ADCY7: variants seen among roughly 807,000 people sequenced by gnomAD.
ADCY7 encodes adenylate cyclase 7.
In ADCY7, 72 loss-of-function variants were observed where a neutral mutation model predicts 120.6. That is an observed-to-expected ratio of 0.60 (90% CI 0.49 to 0.73). ADCY7 has a LOEUF of 0.73. ADCY7 is among the 30% of genes least tolerant of loss of function. The pLI is 0.00. For missense variants in ADCY7, 1,227 were observed against 1,486.0 expected, an observed-to-expected ratio of 0.83 and a Z score of 2.87; for synonymous variants, 661 against 628.0, an observed-to-expected ratio of 1.05 and a Z score of -0.78.
In ADCY7 at chr16:50,315,591, A is replaced by C; in HGVS notation, c.*86A>C. ...GGAGAAGACTCTCCGCCCCACGCCAATCCCAAAGGCATGCAGATGGCTGTG... is the reference window on the plus strand; with the variant it reads ...GGAGAAGACTCTCCGCCCCACGCCACTCCCAAAGGCATGCAGATGGCTGTG... On this transcript the variant is annotated 3_prime_UTR_variant, in exon 26 of 26. Coordinates refer to ENST00000673801, the MANE Select transcript of ADCY7 (RefSeq NM_001114.5). 6.6e-7 allele frequency: 1 copy of C among 1,522,514 alleles called. No individual in the cohort carries two copies. The highest frequency in any genetic ancestry group is 2.1e-4 in the Middle Eastern group (1 of 4,806). 94.3% of individuals were successfully genotyped at this position (1,522,514 alleles called of 1,614,324 possible).
At chr16:50,292,049 C>G (rs78600062) in intron 4 of ADCY7, 152 bp downstream of exon 4, 1 of 923,390 alleles carries the variant, frequency 1.1e-6, no homozygotes, top group East Asian at 2.7e-5. Context: ...CACGTCTGCT[C>G]GGAAGCTGGG....
At chr16:50,283,188 G>A (rs2034383656) in intron 1 of ADCY7, among the ~76,000 whole-genome samples, 1 of 152,234 alleles carries the variant, frequency 6.6e-6, no homozygotes, top group Admixed American at 6.5e-5. Flanking sequence ...TGAGACTCTT[G>A]GTTGCGAGTG....
intron 1 of ADCY7, among the ~76,000 whole-genome samples, chr16:50,279,946 T>C (rs1210526460): frequency 6.6e-6 from 1 of 152,206 alleles, no homozygotes; most frequent in Admixed American, 6.5e-5. Flanking sequence ...AACAAGATGA[T>C]GCTGGCCTCA....
chr16:50,248,563 A>G (rs1398339659), intron 1 of ADCY7, among the ~76,000 whole-genome samples: 1 of 152,130 alleles, frequency 6.6e-6, no homozygotes, highest in Admixed American at 6.5e-5. Context: ...TTTTACAGAT[A>G]CCCTGTATAA....
chr16:50,265,369 T>C (rs71382307), upstream of ADCY7, among the ~76,000 whole-genome samples: 5 of 57,898 alleles, frequency 8.6e-5, no homozygotes, highest in Non-Finnish European at 1.6e-4. Context: ...CCTGGAACCC[T>C]GTGTGAGTCC....
At position 50,294,740 on chromosome 16, in the gene ADCY7, C is replaced by G. The variant is rs767060124; in HGVS notation, c.937C>G (p.Gln313Glu). Reference sequence around the variant, plus strand: ...GAATGAGCTCTTTGGCAAGTTCGACCAGATCGCCAAGGTGAGCCCGCTGGC... The same window carrying G: ...GAATGAGCTCTTTGGCAAGTTCGACGAGATCGCCAAGGTGAGCCCGCTGGC... ...VLNELFGKFD[Q>E]IAKANECMRI... The change falls in exon 7 of 26, where the codon CAG (glutamine) becomes GAG (glutamate). Residue 313 changes from glutamine (Q) to glutamate (E), a missense_variant. By Grantham distance (29) the Gln-to-Glu change is conservative (BLOSUM62 2). This residue lies in a region of ADCY7 where 332 missense variants were observed against 455.8 expected (regional missense o/e 0.73). Coordinates refer to ENST00000673801, the MANE Select transcript of ADCY7 (RefSeq NM_001114.5). 4 of 1,613,156 alleles carry G rather than the reference C, an allele frequency of 2.5e-6. No homozygotes were observed. Among genetic ancestry groups the G allele is most frequent in the South Asian group, 1.1e-5 (1 of 90,864 alleles).
At chr16:50,306,974 A>G in intron 14 of ADCY7, 76 bp from the exon 15 acceptor site, 1 of 1,158,902 alleles carries the variant, frequency 8.6e-7, no homozygotes, top group Non-Finnish European at 1.2e-6. Context: ...TGTTTTTTTT[A>G]AAGCTGATTC....
At position 50,315,030 on chromosome 16, in the gene ADCY7, T is replaced by C. The variant is rs1343320343; in HGVS notation, c.2988T>C (p.Pro996=). ...FRLRVGINHG[P]VIAGVIGARK... ...CATCTTCAGGCATAAACCATGGGCCTGTGATTGCTGGAGTGATTGGGGCCC... is the reference window on the plus strand; with the variant it reads ...CATCTTCAGGCATAAACCATGGGCCCGTGATTGCTGGAGTGATTGGGGCCC... Residue 996 remains proline (P), a synonymous_variant, in exon 25 of 26, where the codon CCT becomes CCC. Transcript: ENST00000673801. 1 of 1,614,214 alleles carries C rather than the reference T, an allele frequency of 6.2e-7. No individual in the cohort carries two copies. Among genetic ancestry groups the C allele is most frequent in the Admixed American group, 1.7e-5 (1 of 60,028 alleles).
At chr16:50,288,547 G>A (rs540642149) in intron 2 of ADCY7, among the ~76,000 whole-genome samples, 197 bp downstream of exon 2, 57 of 152,128 alleles carry the variant, frequency 3.7e-4, no homozygotes, top group African/African-American at 1.4e-3. Context: ...GCATGATCTC[G>A]GCTCACTGCA....
In ADCY7 at chr16:50,293,477, T is replaced by C; in HGVS notation, c.811T>C (p.Tyr271His). The C allele has an allele frequency of 1.2e-6, 2 of 1,613,960 alleles. No individual in the cohort carries two copies. The highest frequency in any genetic ancestry group is 1.7e-6 in the Non-Finnish European group (2 of 1,179,994). Reference sequence around the variant, plus strand: ...GCCTGACAACAACTTCCACAGCCTCTACGTCAAGAGGCACCAGAATGTCAG... The same window carrying C: ...GCCTGACAACAACTTCCACAGCCTCCACGTCAAGAGGCACCAGAATGTCAG... Reference protein sequence around the residue: ...CMPDNNFHSLYVKRHQNVSIL... With the variant: ...CMPDNNFHSLHVKRHQNVSIL... Residue 271 changes from tyrosine to histidine, a missense_variant, in exon 6 of 26, where the codon TAC becomes CAC. Physicochemically the swap from Tyr to His is moderately conservative, Grantham distance 83. Around this residue, in one of 5 missense-constraint regions of ADCY7, gnomAD observed 382 missense variants for 411.4 expected, o/e 0.93. Transcript: ENST00000673801.
rs369529488 is a variant in ADCY7 at position 50,315,463 on chromosome 16, C to T, written c.3201C>T (p.Val1067=). The T allele has an allele frequency of 6.2e-7, 1 of 1,614,156 alleles. No homozygotes were observed. The change falls in exon 26 of 26, where the codon GTC becomes GTT. Residue 1067 remains valine, a synonymous_variant. Coordinates refer to ENST00000673801, the MANE Select transcript of ADCY7 (RefSeq NM_001114.5). ...KGKGELRTYF[V]CTDTAKFQGL... is the part of the protein sequence containing the mutation. ...AAGGCGAGCTGAGGACTTACTTTGT[C>T]TGTACGGACACTGCCAAGTTTCAGG...
chr16:50,311,395 C>T (rs1236113361), intron 19 of ADCY7, among the ~76,000 whole-genome samples: 3 of 152,182 alleles, frequency 2.0e-5, no homozygotes, highest in Non-Finnish European at 4.4e-5. Context: ...CCATCCACCC[C>T]ACCCCGCCTG....
chr16:50,257,378 G>T (rs1203563270), intron 1 of ADCY7, among the ~76,000 whole-genome samples: 7 of 152,084 alleles, frequency 4.6e-5, no homozygotes, highest in Non-Finnish European at 7.4e-5. Context: ...TTTCAGTGGA[G>T]GAATAAGTTT....
chr16:50,298,121 T>A (rs2035477310), intron 7 of ADCY7, among the ~76,000 whole-genome samples: 4 of 151,650 alleles, frequency 2.6e-5, no homozygotes, highest in African/African-American at 9.7e-5. Flanking sequence ...CCCTCTTTCC[T>A]CTCTGCATTG....
chr16:50,249,445 A>AAACAAC lies in ADCY7; in HGVS notation c.-64+3266_-64+3271dup, dbSNP rs57815436. ...GGGCGACAGAGCAAGACTCCGTCTA[A>AAACAAC]AACAACAACAACAACAACAACAACA... On this transcript the variant is annotated intron_variant, in intron 1 of 4. Transcript: ENST00000564044. Among the ~76,000 whole-genome samples the AAACAAC allele has an allele frequency of 7.3e-3, 1,103 of 150,158 alleles. 8 individuals carry two copies. Among genetic ancestry groups the AAACAAC allele is most frequent in the Middle Eastern group, 0.014 (4 of 292 alleles).
chr16:50,288,095 G>T lies in ADCY7; in HGVS notation c.-85G>T. On this transcript the variant is annotated 5_prime_UTR_variant, in exon 2 of 26. Transcript: ENST00000673801. ...GAGAGGACAGAGGCCTAGGCCCACG[G>T]GGGAGGGTGTTGGCAGACAGATGCC... 6.9e-7 allele frequency: 1 copy of T among 1,448,548 alleles called. No homozygotes were observed. The highest frequency in any genetic ancestry group is 9.2e-7 in the Non-Finnish European group (1 of 1,089,734). The allele number at this position is 1,448,548 out of a possible 1,614,324, so 89.7% of individuals were successfully genotyped here.
Position 50,308,410 on chromosome 16 carries a change from C to T in ADCY7, c.1934C>T (p.Ser645Leu), listed in dbSNP as rs371168863. 74 of 1,614,054 alleles carry T rather than the reference C, an allele frequency of 4.6e-5. No homozygotes were observed. The South Asian group carries it at 6.5e-4, about 14-fold the overall frequency. ...VLGLCFATKF[S>L]RCCPARGTLC... ...GGCCTGTGCTTTGCCACCAAGTTCT[C>T]GGTAAGTGGGGAGCTCTGGCCCCGC... Residue 645 changes from serine to leucine, a missense_variant and splice_region_variant, in exon 16 of 26, where the codon TCG (serine) becomes TTG (leucine). By Grantham distance (145) the Ser-to-Leu change is moderately radical. Coordinates refer to ENST00000673801, the MANE Select transcript of ADCY7 (RefSeq NM_001114.5).
In ADCY7 at chr16:50,311,692, G is replaced by A; in HGVS notation, c.2355-1G>A. ...TGACTTGGGCCTCCCTTCGCATTCAGTGGCACCCCTAGCTGTTCCTGGAAG... is the reference window on the plus strand; with the variant it reads ...TGACTTGGGCCTCCCTTCGCATTCAATGGCACCCCTAGCTGTTCCTGGAAG... On this transcript the variant is annotated splice_acceptor_variant, in intron 19 of 25. Coordinates refer to ENST00000673801, the MANE Select transcript of ADCY7 (RefSeq NM_001114.5). LOFTEE classifies it high-confidence loss of function. The A allele has an allele frequency of 3.1e-6, 5 of 1,612,366 alleles. No individual in the cohort carries two copies. The highest frequency in any genetic ancestry group is 4.2e-6 in the Non-Finnish European group (5 of 1,178,692).
intron 19 of ADCY7, 143 bp downstream of exon 19, chr16:50,311,023 G>A: frequency 1.1e-6 from 1 of 871,202 alleles, no homozygotes; most frequent in South Asian, 1.8e-5. Flanking sequence ...AGCGCTCAGA[G>A]CCGAGGAATT....
Sources: allele counts gnomAD v4.1 joint callset (sites outside exome capture counted in the v4.1 genomes callset), GRCh38; gene constraint gnomAD v4.1.1; regional missense constraint gnomAD v4.1.1; transcripts MANE v1.5; gene names NCBI Gene and HGNC (gene_info 2026-07-23, HGNC 2026-07-21).